LINGO2: variants seen among roughly 807,000 people sequenced by gnomAD.
The protein encoded by LINGO2 is leucine rich repeat and Ig domain containing 2.
In LINGO2, 14 loss-of-function variants were observed where a neutral mutation model predicts 30.6. The ratio of observed to expected loss-of-function variants is 0.46; its 90% CI spans 0.30 to 0.72. The LOEUF (loss-of-function observed/expected upper bound fraction) is 0.72. LINGO2 is among the 30% of genes least tolerant of loss of function. LINGO2 has a pLI of 0.07. For synonymous variants in LINGO2, 317 were observed against 288.5 expected (o/e 1.10, Z -1.00); for missense variants, 729 against 751.7 (o/e 0.97, Z 0.35).
chr9:29,029,068 A>C, the LINGO2 span, among the ~76,000 whole-genome samples: 15 of 152,244 alleles, frequency 9.9e-5, no homozygotes, highest in South Asian at 2.9e-3. Context: ...CTCAAGCTTC[A>C]TTGCTTCCAC....
At chr9:28,576,765 T>TTAACA (rs2135626060) in intron 1 of LINGO2, among the ~76,000 whole-genome samples, 1 of 152,282 alleles carries the variant, frequency 6.6e-6, no homozygotes, top group African/African-American at 2.4e-5. Flanking sequence ...CATGAGTATG[T>TTAACA]TCTTCAGTTG....
chr9:28,784,958 AAAAG>A, the LINGO2 span, among the ~76,000 whole-genome samples: 449 of 152,216 alleles, frequency 2.9e-3, 1 homozygote, highest in African/African-American at 0.01. Flanking sequence ...AAAAAAAAAA[AAAAG>A]AATTGCAAAT....
At chr9:28,052,879 T>G (rs756519384) in intron 4 of LINGO2, among the ~76,000 whole-genome samples, 14 of 152,112 alleles carry the variant, frequency 9.2e-5, no homozygotes, top group Non-Finnish European at 1.8e-4. Context: ...ACTTGCAATA[T>G]CTAGATAATT....
chr9:28,582,685 C>T (rs1428958291), intron 1 of LINGO2, among the ~76,000 whole-genome samples: 1 of 152,046 alleles, frequency 6.6e-6, no homozygotes, highest in East Asian at 1.9e-4. Flanking sequence ...AGCAGACTTC[C>T]AAAAACTTCA....
At chr9:28,897,115 T>C in the LINGO2 span, among the ~76,000 whole-genome samples, 2 of 152,200 alleles carry the variant, frequency 1.3e-5, no homozygotes, top group Non-Finnish European at 2.9e-5. Context: ...CAAAGATTAA[T>C]GTGTTACTAC....
intron 4 of LINGO2, among the ~76,000 whole-genome samples, chr9:28,291,911 G>A (rs10968441): frequency 0.073 from 11,070 of 152,142 alleles, 725 homozygotes; most frequent in East Asian, 0.38. Context: ...TCAGCAAACT[G>A]CTAAAAACCA....
the LINGO2 span, among the ~76,000 whole-genome samples, chr9:28,944,492 G>A: frequency 1.3e-5 from 2 of 152,068 alleles, no homozygotes; most frequent in Non-Finnish European, 2.9e-5. Flanking sequence ...TGCAACCTCT[G>A]CCTCCCGGGT....
At chr9:28,433,413 G>C (rs968439344) in intron 2 of LINGO2, among the ~76,000 whole-genome samples, 19 of 152,182 alleles carry the variant, frequency 1.2e-4, no homozygotes, top group African/African-American at 4.6e-4. Flanking sequence ...AGCCAGAAAA[G>C]CAGATAAGTA....
chr9:28,510,112 T>C (rs1282710306), intron 1 of LINGO2, among the ~76,000 whole-genome samples: 1 of 152,228 alleles, frequency 6.6e-6, no homozygotes, highest in Non-Finnish European at 1.5e-5. Flanking sequence ...AAGTTAAATA[T>C]ACTTGTGGAA....
At chr9:29,108,374 G>A in the LINGO2 span, among the ~76,000 whole-genome samples, 1 of 152,056 alleles carries the variant, frequency 6.6e-6, no homozygotes, top group East Asian at 1.9e-4. Context: ...AAATAAATCA[G>A]TGTGGGCTTA....
At chr9:27,948,917 T>C in exon 6 of LINGO2, 1 of 1,614,130 alleles carries the variant, frequency 6.2e-7, no homozygotes. Flanking sequence ...CACCATTGTT[T>C]TTTCTGGGCA....
chr9:28,193,678 T>A (rs182702855), intron 4 of LINGO2, among the ~76,000 whole-genome samples: 3 of 152,306 alleles, frequency 2.0e-5, no homozygotes, highest in Admixed American at 2.0e-4. Flanking sequence ...CCAAACTCGG[T>A]GGCTTACAAC....
intron 1 of LINGO2, among the ~76,000 whole-genome samples, chr9:28,497,522 G>T (rs930470202): frequency 5.9e-5 from 9 of 152,102 alleles, no homozygotes; most frequent in Non-Finnish European, 8.8e-5. Context: ...GGTCATTTAA[G>T]AACTTTTCTA....
At chr9:28,111,779 A>C (rs944651083) in intron 4 of LINGO2, among the ~76,000 whole-genome samples, 2 of 152,166 alleles carry the variant, frequency 1.3e-5, no homozygotes, top group Non-Finnish European at 2.9e-5. Context: ...AGAATGCTGC[A>C]ACAGAGATAT....
intron 1 of LINGO2, among the ~76,000 whole-genome samples, chr9:28,500,248 A>G (rs1819830795): frequency 1.3e-5 from 2 of 152,182 alleles, no homozygotes; most frequent in Non-Finnish European, 2.9e-5. Flanking sequence ...TTTCACACCA[A>G]GAAAATACAC....
At chr9:28,202,132 A>C (rs1047311759) in intron 4 of LINGO2, among the ~76,000 whole-genome samples, 1 of 152,162 alleles carries the variant, frequency 6.6e-6, no homozygotes, top group African/African-American at 2.4e-5. Flanking sequence ...TAAGAACACC[A>C]GTCATATTAT....
At chr9:27,981,956 T>G (rs1820899665) in intron 5 of LINGO2, among the ~76,000 whole-genome samples, 1 of 151,858 alleles carries the variant, frequency 6.6e-6, no homozygotes, top group South Asian at 2.1e-4. Flanking sequence ...CAGGAAAGAA[T>G]TCAAAAGCCA....
chr9:28,915,620 A>G, the LINGO2 span, among the ~76,000 whole-genome samples: 1 of 152,198 alleles, frequency 6.6e-6, no homozygotes, highest in Non-Finnish European at 1.5e-5. Flanking sequence ...AAAAGTAAAT[A>G]TGTGGGTAAA....
chr9:28,352,904 G>T (rs1449194001), intron 3 of LINGO2, among the ~76,000 whole-genome samples: 5 of 150,002 alleles, frequency 3.3e-5, no homozygotes, highest in Admixed American at 3.3e-4. Flanking sequence ...AATGGGGAAA[G>T]GATCCCCTAT....
Sources: gnomAD v4.1 joint callset for allele counts (sites outside exome capture counted in the v4.1 genomes callset) on GRCh38, gnomAD v4.1.1 for gene constraint, MANE v1.5 for transcripts, NCBI Gene and HGNC (gene_info 2026-07-23, HGNC 2026-07-21) for gene names.